LRMDA: variants seen among roughly 807,000 people sequenced by gnomAD.
LRMDA encodes leucine-rich melanocyte differentiation-associated protein.
Under a neutral mutation model 29.8 loss-of-function variants are expected in LRMDA, and 18 were observed. The observed-to-expected ratio is 0.60, with a 90% CI of 0.42 to 0.90. LRMDA has a LOEUF of 0.90. LRMDA is among the 40% of genes least tolerant of loss of function. The pLI is 0.00. For missense variants in LRMDA, 273 were observed against 273.9 expected (o/e 1.00, Z 0.02); for synonymous variants, 125 against 109.4 (o/e 1.14, Z -0.89).
intron 6 of LRMDA, among the ~76,000 whole-genome samples, chr10:76,347,877 T>C (rs1298517636): frequency 6.6e-6 from 1 of 152,176 alleles, no homozygotes; most frequent in Non-Finnish European, 1.5e-5. Context: ...TTAACATTTG[T>C]TTTTTTACAT....
chr10:75,527,810 T>C (rs955760679), intron 2 of LRMDA, among the ~76,000 whole-genome samples: 1 of 150,140 alleles, frequency 6.7e-6, no homozygotes, highest in Non-Finnish European at 1.5e-5. Flanking sequence ...TATGTTGGAG[T>C]GCAGTGGCAC....
chr10:75,446,655 T>A (rs1300307980), intron 2 of LRMDA, among the ~76,000 whole-genome samples: 1 of 152,222 alleles, frequency 6.6e-6, no homozygotes, highest in African/African-American at 2.4e-5. Context: ...GAGAAATACA[T>A]CTGTGTTATA....
At chr10:76,452,714 G>A (rs955695823) in intron 6 of LRMDA, among the ~76,000 whole-genome samples, 12 of 152,164 alleles carry the variant, frequency 7.9e-5, no homozygotes, top group African/African-American at 2.9e-4. Flanking sequence ...AGGCCCTGGG[G>A]GAGGATGGTT....
chr10:76,190,253 A>G (rs891133209), intron 5 of LRMDA, among the ~76,000 whole-genome samples: 2 of 152,078 alleles, frequency 1.3e-5, no homozygotes, highest in Non-Finnish European at 2.9e-5. Flanking sequence ...TTCCACTCGG[A>G]TTTTTCTAAA....
chr10:76,144,728 T>C (rs1388693774), intron 5 of LRMDA, among the ~76,000 whole-genome samples: 1 of 152,150 alleles, frequency 6.6e-6, no homozygotes, highest in East Asian at 1.9e-4. Context: ...TCCAACACTA[T>C]GTTGAATAGG....
intron 6 of LRMDA, among the ~76,000 whole-genome samples, chr10:76,336,881 T>TC (rs1840975557): frequency 1.3e-5 from 2 of 152,026 alleles, no homozygotes; most frequent in Admixed American, 1.3e-4. Context: ...CATACAACCA[T>TC]CCTCCTACAC....
chr10:76,431,134 C>T (rs1177325130), intron 6 of LRMDA, among the ~76,000 whole-genome samples: 5 of 152,016 alleles, frequency 3.3e-5, no homozygotes, highest in Admixed American at 3.3e-4. Context: ...AGCAGATTAA[C>T]CTATTATCAG....
intron 2 of LRMDA, among the ~76,000 whole-genome samples, chr10:75,663,486 G>A (rs529481418): frequency 2.6e-5 from 4 of 152,250 alleles, no homozygotes; most frequent in African/African-American, 7.2e-5. Context: ...ATAAGGCCTC[G>A]AGTGTGTTCT....
intron 6 of LRMDA, among the ~76,000 whole-genome samples, chr10:76,422,647 A>T (rs1374021944): frequency 6.6e-6 from 1 of 152,162 alleles, no homozygotes; most frequent in Non-Finnish European, 1.5e-5. Flanking sequence ...ATTAATTCTT[A>T]AGGGGAAGCT....
chr10:76,105,900 C>T (rs370487190), intron 5 of LRMDA, among the ~76,000 whole-genome samples: 12 of 152,272 alleles, frequency 7.9e-5, no homozygotes, highest in East Asian at 5.8e-4. Flanking sequence ...GCGCATGCCA[C>T]CATGCCCGGC....
chr10:76,432,013 T>C (rs1263375468), intron 6 of LRMDA, among the ~76,000 whole-genome samples: 2 of 152,204 alleles, frequency 1.3e-5, no homozygotes, highest in Non-Finnish European at 2.9e-5. Context: ...TTTTGTAAAT[T>C]GTCCAGTCTC....
intron 6 of LRMDA, among the ~76,000 whole-genome samples, chr10:76,502,514 A>C (rs139651619): frequency 2.7e-4 from 41 of 151,756 alleles, no homozygotes; most frequent in Admixed American, 7.2e-4. Context: ...CCATTTATTC[A>C]TGTTGTCTCT....
intron 2 of LRMDA, among the ~76,000 whole-genome samples, chr10:75,633,314 G>C (rs1250410136): frequency 6.6e-6 from 1 of 152,180 alleles, no homozygotes; most frequent in Non-Finnish European, 1.5e-5. Flanking sequence ...TTTGGTGGCA[G>C]TGAGTAACCC....
At chr10:76,280,251 T>C (rs551700997) in intron 5 of LRMDA, among the ~76,000 whole-genome samples, 1 of 152,292 alleles carries the variant, frequency 6.6e-6, no homozygotes, top group Admixed American at 6.5e-5. Flanking sequence ...TTGTTGGGTT[T>C]GGTGGATGTG....
chr10:76,372,395 C>A (rs1011918693), intron 6 of LRMDA, among the ~76,000 whole-genome samples: 1 of 152,030 alleles, frequency 6.6e-6, no homozygotes, highest in Non-Finnish European at 1.5e-5. Flanking sequence ...GGCAGATCAT[C>A]TGAGATCAGG....
chr10:76,040,374 T>G (rs1848320486), intron 3 of LRMDA, among the ~76,000 whole-genome samples: 1 of 152,182 alleles, frequency 6.6e-6, no homozygotes, highest in African/African-American at 2.4e-5. Flanking sequence ...CCTCCCATCT[T>G]TTTCCACCAG....
chr10:76,170,191 G>T (rs115931211), intron 5 of LRMDA, among the ~76,000 whole-genome samples: 1 of 152,146 alleles, frequency 6.6e-6, no homozygotes, highest in Non-Finnish European at 1.5e-5. Flanking sequence ...ACCCAAGAAG[G>T]TATAAACTGG....
chr10:76,441,277 A>C (rs1384148814), intron 6 of LRMDA, among the ~76,000 whole-genome samples: 4 of 152,188 alleles, frequency 2.6e-5, no homozygotes, highest in Admixed American at 6.5e-5. Flanking sequence ...AACAGAATAC[A>C]CTTCTCCATT....
chr10:75,728,866 C>T (rs1301560244), intron 2 of LRMDA, among the ~76,000 whole-genome samples: 1 of 152,094 alleles, frequency 6.6e-6, no homozygotes, highest in African/African-American at 2.4e-5. Context: ...GTGTGTGAGG[C>T]AAGAGTGGTG....
Sources: allele counts gnomAD v4.1 joint callset (sites outside exome capture counted in the v4.1 genomes callset), GRCh38; gene constraint gnomAD v4.1.1; transcripts MANE v1.5; gene names NCBI Gene and HGNC (gene_info 2026-07-23, HGNC 2026-07-21).